Variants in CYP7B1 observed in about 807,000 individuals in gnomAD.
CYP7B1 encodes cytochrome P450 family 7 subfamily B member 1, also known as cytochrome P450 7B1.
Under a neutral mutation model 42.7 loss-of-function variants are expected in CYP7B1, and 29 were observed. The ratio of observed to expected loss-of-function variants is 0.68; its 90% CI spans 0.51 to 0.93. The LOEUF (loss-of-function observed/expected upper bound fraction) is 0.93, where lower values mean the gene tolerates loss of function less well. Ranked by LOEUF, CYP7B1 falls within the 40% of genes least tolerant of loss-of-function variation. The probability of loss-of-function intolerance (pLI) is 0.00; values close to 1 mark genes in which losing one functional copy is unlikely to be tolerated. For missense variants in CYP7B1, 655 were observed against 600.5 expected (o/e 1.09, Z -0.95); for synonymous variants, 235 against 218.2 (o/e 1.08, Z -0.68).
intron 1 of CYP7B1, among the ~76,000 whole-genome samples, chr8:64,682,987 C>T (rs2129631990): frequency 6.6e-6 from 1 of 152,288 alleles, no homozygotes; most frequent in Non-Finnish European, 1.5e-5. Flanking sequence ...TGAACCTTGA[C>T]TTCTTTCTCT....
chr8:64,636,447 A>G (rs1233005908), intron 1 of CYP7B1, among the ~76,000 whole-genome samples: 1 of 152,228 alleles, frequency 6.6e-6, no homozygotes, highest in African/African-American at 2.4e-5. Context: ...GTTAGTTACT[A>G]TTATTGTTAT....
At chr8:64,740,385 G>A (rs547012894) in intron 1 of CYP7B1, among the ~76,000 whole-genome samples, 1 of 151,836 alleles carries the variant, frequency 6.6e-6, no homozygotes, top group South Asian at 2.1e-4. Flanking sequence ...TGATATAACT[G>A]CATAAATTAT....
chr8:64,602,241 G>A (rs1287402632), intron 5 of CYP7B1, among the ~76,000 whole-genome samples: 1 of 152,314 alleles, frequency 6.6e-6, no homozygotes, highest in South Asian at 2.1e-4. Context: ...GCCACAGTGT[G>A]AGCAATGGCA....
intron 5 of CYP7B1, among the ~76,000 whole-genome samples, chr8:64,604,170 T>C (rs1324190966): frequency 2.0e-5 from 3 of 152,188 alleles, no homozygotes; most frequent in African/African-American, 7.2e-5. Flanking sequence ...AATCTCAAGT[T>C]CATAATGCCA....
At chr8:64,767,840 A>G (rs1804132130) in intron 1 of CYP7B1, among the ~76,000 whole-genome samples, 1 of 152,198 alleles carries the variant, frequency 6.6e-6, no homozygotes, top group Non-Finnish European at 1.5e-5. Context: ...GCAGTCCATG[A>G]GTAAGATCTA....
chr8:64,786,248 G>A (rs1804524503), intron 1 of CYP7B1, among the ~76,000 whole-genome samples: 1 of 152,064 alleles, frequency 6.6e-6, no homozygotes, highest in South Asian at 2.1e-4. Flanking sequence ...GCTCATTCCA[G>A]TATTAACCCA....
intron 1 of CYP7B1, among the ~76,000 whole-genome samples, chr8:64,718,957 G>T (rs1807198541): frequency 6.6e-6 from 1 of 152,194 alleles, no homozygotes; most frequent in African/African-American, 2.4e-5. Flanking sequence ...GAAATCATGG[G>T]ATGTAGTGGC....
intron 1 of CYP7B1, chr8:64,734,320 A>G (rs2129633152): frequency 6.6e-6 from 1 of 152,302 alleles, no homozygotes; most frequent in East Asian, 1.9e-4. Context: ...GTAATTTATA[A>G]AGTACAGAAA....
chr8:64,712,338 A>G (rs1489448476), intron 1 of CYP7B1, among the ~76,000 whole-genome samples: 6 of 151,906 alleles, frequency 3.9e-5, no homozygotes, highest in African/African-American at 1.5e-4. Flanking sequence ...CAGCACTTGC[A>G]TTCTGGATCT....
intron 5 of CYP7B1, among the ~76,000 whole-genome samples, chr8:64,598,397 C>T (rs1353957917): frequency 1.3e-5 from 2 of 152,136 alleles, no homozygotes; most frequent in Non-Finnish European, 2.9e-5. Context: ...GCCTGCTTGC[C>T]TGAGCTTAGT....
chr8:64,775,584 G>T (rs1462032125), intron 1 of CYP7B1, among the ~76,000 whole-genome samples: 1 of 152,052 alleles, frequency 6.6e-6, no homozygotes, highest in Non-Finnish European at 1.5e-5. Context: ...GTAAAAAATA[G>T]ACCTTGATTA....
In CYP7B1 at chr8:64,595,320, T is replaced by A. The variant is rs1289565252; in HGVS notation, c.*1322A>T. On this transcript the variant is annotated 3_prime_UTR_variant, in exon 6 of 6. Transcript: ENST00000310193. Reference sequence around the variant, plus strand: ...ACTTACTAAGAATGTAAATATTTTGTAATGTTATTTTTAAAGTCAGTTTCC... The same window carrying A: ...ACTTACTAAGAATGTAAATATTTTGAAATGTTATTTTTAAAGTCAGTTTCC... Among the ~76,000 whole-genome samples the A allele has an allele frequency of 3.3e-5, 5 of 152,244 alleles. No individual in the cohort carries two copies. Among genetic ancestry groups the A allele is most frequent in the African/African-American group, 1.2e-4 (5 of 41,472 alleles).
chr8:64,705,909 A>G (rs1192020339), intron 1 of CYP7B1, among the ~76,000 whole-genome samples: 1 of 152,092 alleles, frequency 6.6e-6, no homozygotes, highest in African/African-American at 2.4e-5. Context: ...CAGTGAGAAC[A>G]ATAAAATTCA....
chr8:64,753,453 A>T (rs1807760664), intron 1 of CYP7B1, among the ~76,000 whole-genome samples: 1 of 152,218 alleles, frequency 6.6e-6, no homozygotes, highest in Admixed American at 6.5e-5. Context: ...CCAAGCATGT[A>T]ACCTTGTCAC....
intron 1 of CYP7B1, among the ~76,000 whole-genome samples, chr8:64,685,162 G>C (rs190559541): frequency 5.3e-5 from 8 of 152,054 alleles, no homozygotes; most frequent in African/African-American, 1.9e-4. Flanking sequence ...CGCCCCGCCG[G>C]CGAGCGCCGC....
At chr8:64,729,146 C>T (rs890983923) in intron 1 of CYP7B1, among the ~76,000 whole-genome samples, 3 of 152,246 alleles carry the variant, frequency 2.0e-5, no homozygotes, top group Middle Eastern at 3.4e-3. Flanking sequence ...GGCAACAGAT[C>T]GATACCCTGT....
intron 1 of CYP7B1, among the ~76,000 whole-genome samples, chr8:64,696,292 T>C (rs1233162513): frequency 2.0e-5 from 3 of 152,242 alleles, no homozygotes; most frequent in African/African-American, 4.8e-5. Context: ...TTTTTACATA[T>C]TGAACTTATT....
chr8:64,651,578 C>G (rs1201563692), intron 1 of CYP7B1, among the ~76,000 whole-genome samples: 1 of 152,188 alleles, frequency 6.6e-6, no homozygotes. Context: ...TACATTGAAA[C>G]TTAATCTCCA....
rs1278740175 is a variant in CYP7B1, at chr8:64,596,885, G to A, written c.1278C>T (p.Thr426=). Reference sequence around the variant, plus strand: ...GCTTTTTCCCTCTTTTGAAAAAGGTGGTTTTCTTCTTACCATCTTCTATAA... The same window carrying A: ...GCTTTTTCCCTCTTTTGAAAAAGGTAGTTTTCTTCTTACCATCTTCTATAA... The part of the protein sequence containing the change: ...DRFIEDGKKK[T]TFFKRGKKLK... Residue 426 remains threonine, a synonymous_variant, in exon 6 of 6, where the codon ACC becomes ACT. Coordinates refer to ENST00000310193, the MANE Select transcript of CYP7B1 (RefSeq NM_004820.5). 4 of 1,613,316 alleles carry A rather than the reference G, an allele frequency of 2.5e-6. No individual in the cohort carries two copies. The South Asian group carries it at 3.3e-5, about 13-fold the overall frequency.
Sources: gnomAD v4.1 joint callset for allele counts (sites outside exome capture counted in the v4.1 genomes callset) on GRCh38, gnomAD v4.1.1 for gene constraint, MANE v1.5 for transcripts, NCBI Gene and HGNC (gene_info 2026-07-23, HGNC 2026-07-21) for gene names.